The following DEGS1 variants were observed in gnomAD, a reference collection of about 807,000 sequenced individuals.
The protein encoded by DEGS1 is delta 4-desaturase, sphingolipid 1.
DEGS1 carries 17 observed loss-of-function variants against 24.1 expected under a neutral mutation model. That is an observed-to-expected ratio of 0.70 (90% confidence interval 0.48 to 1.06). The LOEUF (loss-of-function observed/expected upper bound fraction) is 1.06. Ranked by LOEUF, DEGS1 falls within the 50% of genes least tolerant of loss-of-function variation. The pLI, the probability that DEGS1 is intolerant of heterozygous loss-of-function variation, is 0.00. For missense variants in DEGS1, 366 were observed against 408.9 expected, an observed-to-expected ratio of 0.90 and a Z score of 0.91; for synonymous variants, 134 against 140.0, an observed-to-expected ratio of 0.96 and a Z score of 0.30.
At chr1:224,185,179 A>C (rs541705664) in intron 1 of DEGS1, among the ~76,000 whole-genome samples, 1 of 152,112 alleles carries the variant, frequency 6.6e-6, no homozygotes, top group African/African-American at 2.4e-5. Flanking sequence ...TTTTGTAGAG[A>C]TGGGTTTCTC....
At chr1:224,192,205 TAAGAGAG>T in intron 2 of DEGS1, 120 bp from the exon 3 acceptor site, 1 of 694,996 alleles carries the variant, frequency 1.4e-6, no homozygotes, top group Middle Eastern at 3.3e-4. Context: ...TTTTTTTTTT[TAAGAGAG>T]AGGAGGGAGG....
At chr1:224,184,152 A>G (rs1233811358) in intron 1 of DEGS1, among the ~76,000 whole-genome samples, 1 of 152,226 alleles carries the variant, frequency 6.6e-6, no homozygotes, top group Non-Finnish European at 1.5e-5. Flanking sequence ...AAGACTGAAA[A>G]TGGAAGACTT....
rs775965003 is a variant in DEGS1 at position 224,192,563 on chromosome 1, T to C, written c.*85T>C. The C allele has an allele frequency of 5.1e-5, 68 of 1,331,848 alleles. No individual in the cohort carries two copies. In the Middle Eastern group the frequency reaches 6.6e-4, roughly 13 times the overall value. 82.5% of individuals were successfully genotyped at this position (1,331,848 alleles called of 1,614,324 possible). A position where few individuals can be genotyped will look rare whatever the true frequency, so the allele number is the denominator to read the frequency against. ...GCATTATTAAACTTGAGACCAGTGA[T>C]GCTCAGAAGCTCCCCTGGCACAATT... On this transcript the variant is annotated 3_prime_UTR_variant, in exon 3 of 3. Transcript: ENST00000323699.
Position 224,189,959 on chromosome 1 carries a change from C to T in DEGS1, c.465C>T (p.Thr155=), listed in dbSNP as rs185497439. The T allele has an allele frequency of 2.6e-5, 42 of 1,614,174 alleles. 1 individual carries two copies. Among genetic ancestry groups the T allele is most frequent in the Middle Eastern group, 1.6e-4 (1 of 6,062 alleles). ...PTDFEGWFFC[T]AFRKFIWVIL... ...ATTTTGAGGGCTGGTTCTTCTGTAC[C>T]GCTTTCAGAAAGTTTATATGGGTTA... The change falls in exon 2 of 3, where the codon ACC becomes ACT. Residue 155 remains threonine (T), a synonymous_variant. Transcript: ENST00000323699.
At chr1:224,188,300 A>C (rs1382917841) in intron 1 of DEGS1, among the ~76,000 whole-genome samples, 1 of 152,158 alleles carries the variant, frequency 6.6e-6, no homozygotes, top group Non-Finnish European at 1.5e-5. Flanking sequence ...TTTCAATAAA[A>C]TAATATTTCA....
Position 224,190,067 on chromosome 1 carries a change from G to C in DEGS1, c.573G>C (p.Val191=). ...PITYLEVINT[V]AQVTFDILIY... Reference sequence around the variant, plus strand: ...CGTATCTGGAAGTTATCAATACCGTGGCACAGGTCACTTTTGACATTTTAA... The same window carrying C: ...CGTATCTGGAAGTTATCAATACCGTCGCACAGGTCACTTTTGACATTTTAA... Residue 191 remains valine (V), a synonymous_variant, in exon 2 of 3, where the codon GTG becomes GTC. Transcript: ENST00000323699. 4 of 1,614,116 alleles carry C rather than the reference G, an allele frequency of 2.5e-6. No individual in the cohort carries two copies. The highest frequency in any genetic ancestry group is 3.4e-6 in the Non-Finnish European group (4 of 1,180,030).
intron 1 of DEGS1, among the ~76,000 whole-genome samples, chr1:224,189,091 G>T (rs1231471404): frequency 6.6e-6 from 1 of 152,156 alleles, no homozygotes; most frequent in Admixed American, 6.6e-5. Context: ...TTGGTAGCCT[G>T]TAGTATTGGT....
At chr1:224,188,807 G>C (rs997812125) in intron 1 of DEGS1, among the ~76,000 whole-genome samples, 1 of 152,132 alleles carries the variant, frequency 6.6e-6, no homozygotes, top group Admixed American at 6.6e-5. Context: ...AGTATCATGT[G>C]CAACAGAAAG....
chr1:224,183,341 G>T lies in DEGS1; in HGVS notation c.5G>T (p.Gly2Val), dbSNP rs1289103602. The change falls in exon 1 of 3, where the codon GGG (glycine) becomes GTG (valine). Residue 2 changes from glycine (G) to valine (V), a missense_variant. Coordinates refer to ENST00000323699, the MANE Select transcript of DEGS1 (RefSeq NM_003676.4). The part of the protein sequence containing the change: M[G>V]SRVSREDFEW... Reference sequence around the variant, plus strand: ...CTGCAAGCCACCGCTGTCGCCATGGGGAGCCGCGTCTCGCGGGAAGACTTC... The same window carrying T: ...CTGCAAGCCACCGCTGTCGCCATGGTGAGCCGCGTCTCGCGGGAAGACTTC... The T allele has an allele frequency of 6.8e-7, 1 of 1,480,186 alleles. No homozygotes were observed. The highest frequency in any genetic ancestry group is 9.0e-7 in the Non-Finnish European group (1 of 1,113,386). The allele number at this position is 1,480,186 out of a possible 1,614,324, so 91.7% of individuals were successfully genotyped here. A position where few individuals can be genotyped will look rare whatever the true frequency, so the allele number is the denominator to read the frequency against.
Position 224,192,532 on chromosome 1 carries a change from A to AT in DEGS1, c.*59dup. The AT allele has an allele frequency of 6.4e-7, 1 of 1,552,774 alleles. No individual in the cohort carries two copies. The stretch of plus-strand genomic sequence containing the variant: ...CCAAAACTTTAGATGATAAAATGGA[A>AT]TTTTTGCATTATTAAACTTGAGACC... On this transcript the variant is annotated 3_prime_UTR_variant, in exon 3 of 3. Coordinates refer to ENST00000323699, the MANE Select transcript of DEGS1 (RefSeq NM_003676.4).
intron 2 of DEGS1, among the ~76,000 whole-genome samples, chr1:224,191,785 T>TG (rs1333416866): frequency 6.6e-6 from 1 of 151,704 alleles, no homozygotes; most frequent in African/African-American, 2.4e-5. Flanking sequence ...TTAGTAGAGA[T>TG]GGGGTTTCAC....
chr1:224,189,083 G>A (rs1658466996), intron 1 of DEGS1, among the ~76,000 whole-genome samples: 1 of 152,080 alleles, frequency 6.6e-6, no homozygotes, highest in Non-Finnish European at 1.5e-5. Flanking sequence ...TGATTATATT[G>A]GTAGCCTGTA....
chr1:224,186,579 G>A (rs879742818), intron 1 of DEGS1, among the ~76,000 whole-genome samples: 17 of 152,036 alleles, frequency 1.1e-4, no homozygotes, highest in African/African-American at 9.6e-5. Context: ...CGGGCGTGGC[G>A]GCAGCCACCT....
chr1:224,192,316 A>AT lies in DEGS1; in HGVS notation c.826-10dup, dbSNP rs745337176. ...TAACACTCATTTTTCATCTTGCTGT[A>AT]TTTTTTCCCTTCTAGGTGAGGAAAA... is the stretch of plus-strand genomic sequence containing the variant. On this transcript the variant is annotated splice_polypyrimidine_tract_variant and intron_variant, in intron 2 of 2. Coordinates refer to ENST00000323699, the MANE Select transcript of DEGS1 (RefSeq NM_003676.4). 2 of 1,601,970 alleles carry AT rather than the reference A, an allele frequency of 1.2e-6. No homozygotes were observed. Among genetic ancestry groups the AT allele is most frequent in the South Asian group, 1.1e-5 (1 of 88,646 alleles).
chr1:224,183,677 C>A, intron 1 of DEGS1: 2 of 303,972 alleles, frequency 6.6e-6, no homozygotes, highest in Non-Finnish European at 1.2e-5. Context: ...CGTCCCCGAG[C>A]GCGGGAGTCC....
chr1:224,192,684 G>T lies in DEGS1; in HGVS notation c.*206G>T, dbSNP rs1293041021. ...TCAGTTTCACTCACAGGAAACTTGT[G>T]ACTTGTGTATTATCGTCATTGAGGA... On this transcript the variant is annotated 3_prime_UTR_variant, in exon 3 of 3. Transcript: ENST00000323699. 1.9e-6 allele frequency: 1 copy of T among 516,806 alleles called. No individual in the cohort carries two copies. The highest frequency in any genetic ancestry group is 2.0e-5 in the African/African-American group (1 of 49,728). The allele number at this position is 516,806 out of a possible 1,614,324, so 32.0% of individuals were successfully genotyped here. A position where few individuals can be genotyped will look rare whatever the true frequency, so the allele number is the denominator to read the frequency against.
intron 1 of DEGS1, among the ~76,000 whole-genome samples, chr1:224,187,638 G>C (rs1658430774): frequency 6.6e-6 from 1 of 152,140 alleles, no homozygotes; most frequent in South Asian, 2.1e-4. Context: ...AATGGTGTGA[G>C]CCACAGCACC....
chr1:224,191,977 CCTTTATATT>C (rs1658547239), intron 2 of DEGS1, among the ~76,000 whole-genome samples: 1 of 152,178 alleles, frequency 6.6e-6, no homozygotes, highest in African/African-American at 2.4e-5. Flanking sequence ...TCAGATGTTG[CCTTTATATT>C]CTATGGCGTC....
In DEGS1 at chr1:224,190,127, C is replaced by T; in HGVS notation, c.633C>T (p.Tyr211=). Residue 211 remains tyrosine, a synonymous_variant, in exon 2 of 3, where the codon TAC becomes TAT. Coordinates refer to ENST00000323699, the MANE Select transcript of DEGS1 (RefSeq NM_003676.4). ...YYFLGIKSLV[Y]MLAASLLGLG... ...TTTTGGGAATTAAATCCTTAGTCTA[C>T]ATGTTGGCAGCATCTTTACTTGGCC... The T allele has an allele frequency of 6.2e-7, 1 of 1,610,756 alleles. No individual in the cohort carries two copies. The highest frequency in any genetic ancestry group is 8.5e-7 in the Non-Finnish European group (1 of 1,178,278).
Sources: allele counts gnomAD v4.1 joint callset (sites outside exome capture counted in the v4.1 genomes callset), GRCh38; gene constraint gnomAD v4.1.1; transcripts MANE v1.5; gene names NCBI Gene and HGNC (gene_info 2026-07-23, HGNC 2026-07-21).